Variants in PPFIA2 observed in about 807,000 individuals in gnomAD.
PPFIA2 encodes PPFI scaffold protein A2, also known as liprin-alpha-2.
Under a neutral mutation model 175.5 loss-of-function variants are expected in PPFIA2, and 46 were observed. That is an observed-to-expected ratio of 0.26 (90% CI 0.21 to 0.34). PPFIA2 has a LOEUF of 0.34. Ranked by LOEUF, PPFIA2 falls within the 10% of genes least tolerant of loss-of-function variation. The probability of loss-of-function intolerance (pLI) is 1.00; values close to 1 mark genes in which losing one functional copy is unlikely to be tolerated. For missense variants in PPFIA2, 1,179 were observed against 1,506.1 expected, an observed-to-expected ratio of 0.78 and a Z score of 3.60; for synonymous variants, 568 against 511.4, an observed-to-expected ratio of 1.11 and a Z score of -1.49.
chr12:81,350,749 T>C (rs1403088138), intron 17 of PPFIA2, among the ~76,000 whole-genome samples: 3 of 152,086 alleles, frequency 2.0e-5, no homozygotes. Context: ...TGTAGTTAGG[T>C]TGGTATATGG....
chr12:81,749,537 A>G (rs1441496101), intron 3 of PPFIA2, among the ~76,000 whole-genome samples: 1 of 144,070 alleles, frequency 6.9e-6, no homozygotes, highest in African/African-American at 2.4e-5. Flanking sequence ...AAATATATTA[A>G]TAACTGACAA....
intron 3 of PPFIA2, among the ~76,000 whole-genome samples, chr12:81,681,417 T>C (rs2073606310): frequency 6.6e-6 from 1 of 151,942 alleles, no homozygotes. Flanking sequence ...GGCCAGTGAA[T>C]CAGAAGTCTT....
At chr12:81,277,276 C>A (rs531931716) in intron 28 of PPFIA2, 41 bp downstream of exon 28, 3 of 1,490,516 alleles carry the variant, frequency 2.0e-6, no homozygotes, top group South Asian at 2.7e-5. Context: ...AGCTAAAAAC[C>A]CCAGAATAAA....
At chr12:81,485,456 T>C (rs2058710363) in intron 4 of PPFIA2, among the ~76,000 whole-genome samples, 1 of 151,884 alleles carries the variant, frequency 6.6e-6, no homozygotes, top group East Asian at 1.9e-4. Context: ...ATTTTTCCTC[T>C]AGTGCTAAGA....
intron 4 of PPFIA2, among the ~76,000 whole-genome samples, chr12:81,531,407 T>A (rs2064538495): frequency 6.6e-6 from 1 of 151,574 alleles, no homozygotes; most frequent in South Asian, 2.1e-4. Context: ...AAATCACACA[T>A]GCAGAAAAAA....
Position 81,702,309 on chromosome 12 carries a change from C to T in PPFIA2, c.250-25465G>A, listed in dbSNP as rs556154075. Among the ~76,000 whole-genome samples the T allele has an allele frequency of 1.8e-4, 28 of 152,072 alleles. No homozygotes were observed. The South Asian group carries it at 5.8e-3, about 32-fold the overall frequency. ...GTCTTTTCTTGGTCCATTTTCTTTC[C>T]CCAGTTACTATAAATTTTTCTATTG... On this transcript the variant is annotated intron_variant, in intron 3 of 32. Transcript: ENST00000549396.
intron 7 of PPFIA2, among the ~76,000 whole-genome samples, chr12:81,435,068 G>T (rs923582943): frequency 1.3e-5 from 2 of 152,074 alleles, no homozygotes; most frequent in African/African-American, 4.8e-5. Context: ...AGAACATATA[G>T]TAGTTTTGTA....
At chr12:81,521,264 C>T (rs1353598175) in intron 4 of PPFIA2, among the ~76,000 whole-genome samples, 1 of 151,832 alleles carries the variant, frequency 6.6e-6, no homozygotes, top group Admixed American at 6.6e-5. Flanking sequence ...AGTTTTGAGC[C>T]TTCTGCATGC....
chr12:81,658,868 A>G (rs2068261689), intron 4 of PPFIA2, among the ~76,000 whole-genome samples: 1 of 152,186 alleles, frequency 6.6e-6, no homozygotes, highest in African/African-American at 2.4e-5. Flanking sequence ...TGATATTTCC[A>G]TTTTTGACAA....
intron 4 of PPFIA2, among the ~76,000 whole-genome samples, chr12:81,499,777 T>C (rs2060402626): frequency 6.6e-6 from 1 of 151,818 alleles, no homozygotes; most frequent in East Asian, 1.9e-4. Context: ...TCATACCACC[T>C]CAGTATGGGT....
intron 4 of PPFIA2, among the ~76,000 whole-genome samples, chr12:81,636,358 C>T (rs1446861311): frequency 1.3e-5 from 2 of 149,656 alleles, no homozygotes; most frequent in South Asian, 2.1e-4. Context: ...CTCCGCCTCC[C>T]GGGTTCACGC....
intron 27 of PPFIA2, among the ~76,000 whole-genome samples, chr12:81,280,117 C>A (rs2041717548): frequency 6.6e-6 from 1 of 152,130 alleles, no homozygotes; most frequent in Admixed American, 6.6e-5. Flanking sequence ...AATGCAATTT[C>A]TTTTTGTTAT....
chr12:81,606,861 G>A (rs952036317), intron 4 of PPFIA2, among the ~76,000 whole-genome samples: 1 of 151,930 alleles, frequency 6.6e-6, no homozygotes, highest in African/African-American at 2.4e-5. Context: ...AGTTGCTTTT[G>A]GGGACTTGGC....
Position 81,439,166 on chromosome 12 carries a change from C to CCT in PPFIA2, c.645+804_645+805dup, listed in dbSNP as rs375429110. Reference sequence around the variant, plus strand: ...TTAAACTTCTCTCTCTCTCTCTCTCCCTCTCTCTCTCTCTCTCTCTATATA... The same window carrying CCT: ...TTAAACTTCTCTCTCTCTCTCTCTCCCTCTCTCTCTCTCTCTCTCTCTATATA... On this transcript the variant is annotated intron_variant, in intron 7 of 32. Coordinates refer to ENST00000549396, the MANE Select transcript of PPFIA2 (RefSeq NM_003625.5). Among the ~76,000 whole-genome samples the CCT allele has an allele frequency of 3.4e-3, 495 of 146,374 alleles. 1 individual carries two copies. The highest frequency in any genetic ancestry group is 3.7e-3 in the African/African-American group (148 of 40,346).
At chr12:81,467,139 T>G (rs929920370) in intron 4 of PPFIA2, among the ~76,000 whole-genome samples, 2 of 151,950 alleles carry the variant, frequency 1.3e-5, no homozygotes, top group African/African-American at 4.8e-5. Context: ...TTCTACTATA[T>G]CATTAGCAAA....
chr12:81,370,432 G>C (rs1245799019), intron 11 of PPFIA2, among the ~76,000 whole-genome samples: 4 of 151,754 alleles, frequency 2.6e-5, no homozygotes, highest in African/African-American at 7.3e-5. Context: ...GAATTTAATG[G>C]CTTACTCTCA....
intron 28 of PPFIA2, among the ~76,000 whole-genome samples, chr12:81,272,665 T>C (rs1170781910): frequency 1.3e-5 from 2 of 152,290 alleles, no homozygotes; most frequent in East Asian, 3.9e-4. Context: ...GTTTTCCTCA[T>C]TTTGGCCATT....
chr12:81,284,527 G>A lies in PPFIA2; in HGVS notation c.2926-224C>T, dbSNP rs147320906. On this transcript the variant is annotated intron_variant, in intron 24 of 32. Coordinates refer to ENST00000549396, the MANE Select transcript of PPFIA2 (RefSeq NM_003625.5). ...AGAGGCATTCTGTGAAGCTCTTGGGGATGTAGATTTAAAATGACATTTCTG... is the reference window on the plus strand; with the variant it reads ...AGAGGCATTCTGTGAAGCTCTTGGGAATGTAGATTTAAAATGACATTTCTG... The A allele has an allele frequency of 1.3e-3, 687 of 520,386 alleles. 5 individuals carry two copies. The highest frequency in any genetic ancestry group is 0.012 in the African/African-American group (636 of 52,882). 32.2% of individuals were successfully genotyped at this position (520,386 alleles called of 1,614,324 possible). A position where few individuals can be genotyped will look rare whatever the true frequency, so the allele number is the denominator to read the frequency against.
At chr12:81,542,034 A>G (rs1483018588) in intron 4 of PPFIA2, among the ~76,000 whole-genome samples, 1 of 152,150 alleles carries the variant, frequency 6.6e-6, no homozygotes, top group Non-Finnish European at 1.5e-5. Context: ...TTCCAAAAAA[A>G]AAAAAATGTA....
Sources: gnomAD v4.1 joint callset for allele counts (sites outside exome capture counted in the v4.1 genomes callset) on GRCh38, gnomAD v4.1.1 for gene constraint, MANE v1.5 for transcripts, NCBI Gene and HGNC (gene_info 2026-07-23, HGNC 2026-07-21) for gene names.